INTS6: variants seen among roughly 807,000 people sequenced by gnomAD.
INTS6 encodes DEAD box protein.
Under a neutral mutation model 104.9 loss-of-function variants are expected in INTS6, and 16 were observed. The observed-to-expected ratio is 0.15, with a 90% CI of 0.10 to 0.23. The LOEUF is 0.23. Ranked by LOEUF, INTS6 falls within the 10% of genes least tolerant of loss-of-function variation. INTS6 has a pLI of 1.00. For missense variants in INTS6, 584 were observed against 1,062.8 expected (o/e 0.55, Z 6.26); for synonymous variants, 324 against 358.7 (o/e 0.90, Z 1.09).
In INTS6 at chr13:51,387,371, G is replaced by C; in HGVS notation, c.894+15C>G. 1 of 1,595,996 alleles carries C rather than the reference G, an allele frequency of 6.3e-7. No homozygotes were observed. The highest frequency in any genetic ancestry group is 1.1e-5 in the South Asian group (1 of 87,764). ...GAATGGTTACTATTACATAGTTACAGTCTCTGGTACTTACTAGTGTTGGCG... is the reference window on the plus strand; with the variant it reads ...GAATGGTTACTATTACATAGTTACACTCTCTGGTACTTACTAGTGTTGGCG... On this transcript the variant is annotated intron_variant, in intron 7 of 17. Transcript: ENST00000311234.
chr13:51,391,684 C>CA (rs1956248302), intron 5 of INTS6, among the ~76,000 whole-genome samples: 2 of 151,958 alleles, frequency 1.3e-5, no homozygotes, highest in South Asian at 2.1e-4. Flanking sequence ...GTAGAGTCCA[C>CA]AAAAAAGTCA....
Position 51,364,507 on chromosome 13 carries a change from C to T in INTS6, c.*1245G>A, listed in dbSNP as rs2137842594. On this transcript the variant is annotated 3_prime_UTR_variant, in exon 18 of 18. Coordinates refer to ENST00000311234, the MANE Select transcript of INTS6 (RefSeq NM_012141.3). ...GACCTTCTTTTCTACTGCTTACCCC[C>T]CAAACCACTAAAAGGCACAGCAGTG... 6.8e-6 allele frequency: 3 copies of T among 438,776 alleles called. No individual in the cohort carries two copies. Among genetic ancestry groups the T allele is most frequent in the South Asian group, 7.3e-5 (2 of 27,566 alleles). 27.2% of individuals were successfully genotyped at this position (438,776 alleles called of 1,614,324 possible). A position where few individuals can be genotyped will look rare whatever the true frequency, so the allele number is the denominator to read the frequency against.
downstream of INTS6, among the ~76,000 whole-genome samples, chr13:51,350,270 T>G (rs560548269): frequency 1.1e-4 from 16 of 152,278 alleles, no homozygotes; most frequent in Middle Eastern, 3.4e-3. Flanking sequence ...CAAAGTAACC[T>G]TTTATTTATA....
At chr13:51,430,497 T>C (rs1593755362) in intron 3 of INTS6, 114 bp from the exon 4 acceptor site, 4 of 687,144 alleles carry the variant, frequency 5.8e-6, no homozygotes, top group South Asian at 3.9e-5. Flanking sequence ...TCATTTTACA[T>C]GTAGTATGTA....
intron 3 of INTS6, chr13:51,441,197 T>C (rs1328290279): frequency 6.6e-6 from 1 of 152,190 alleles, no homozygotes; most frequent in Non-Finnish European, 1.5e-5. Context: ...CCAGTTCTAA[T>C]ACAGCAGTTC....
At chr13:51,352,471 GTTTTTT>G (rs796835423), downstream of INTS6, among the ~76,000 whole-genome samples, 1 of 150,222 alleles carries the variant, frequency 6.7e-6, no homozygotes, top group African/African-American at 2.4e-5. Flanking sequence ...GCTCTGATAG[GTTTTTT>G]TTTGTGTGTG....
At chr13:51,449,607 C>T in intron 3 of INTS6, 1 of 985,232 alleles carries the variant, frequency 1.0e-6, no homozygotes, top group Non-Finnish European at 1.2e-6. Context: ...ACATGACAAC[C>T]AAATAAAGGT....
intron 15 of INTS6, among the ~76,000 whole-genome samples, chr13:51,369,612 T>G (rs74084821): frequency 5.3e-5 from 8 of 152,216 alleles, no homozygotes; most frequent in African/African-American, 1.9e-4. Flanking sequence ...AAGTAGGTTC[T>G]TGATACTTCA....
At chr13:51,424,933 T>A (rs7335144) in intron 4 of INTS6, among the ~76,000 whole-genome samples, 17,906 of 152,070 alleles carry the variant, frequency 0.12, 1,322 homozygotes, top group South Asian at 0.21. Flanking sequence ...GCAACTATTT[T>A]AAATATATAT....
At position 51,452,140 on chromosome 13, in the gene INTS6, C is replaced by T. The variant is rs905402008; in HGVS notation, c.112-85G>A. ...GGCGGAGAAGGGGCGCCCAGCGGCC[C>T]CGCCGCCCCCACAGTACCGCACACG... On this transcript the variant is annotated intron_variant, in intron 1 of 17. Transcript: ENST00000311234. This position sits in a 1 kb window ranked among gnomAD's most constrained non-coding sequence, Gnocchi z 4.2. The T allele has an allele frequency of 5.4e-6, 7 of 1,288,444 alleles. No homozygotes were observed. The African/African-American group carries it at 1.0e-4, about 19-fold the overall frequency. 79.8% of individuals were successfully genotyped at this position (1,288,444 alleles called of 1,614,324 possible). A position where few individuals can be genotyped will look rare whatever the true frequency, so the allele number is the denominator to read the frequency against.
At chr13:51,385,092 C>T (rs945993324) in intron 7 of INTS6, 6 of 155,008 alleles carry the variant, frequency 3.9e-5, no homozygotes, top group African/African-American at 1.4e-4. Flanking sequence ...ACCACCACGC[C>T]ATACAGACTC....
At chr13:51,382,931 G>C (rs904984266) in intron 9 of INTS6, among the ~76,000 whole-genome samples, 2 of 152,138 alleles carry the variant, frequency 1.3e-5, no homozygotes, top group African/African-American at 4.8e-5. Context: ...AAAAAACTTA[G>C]CTAGGCATGA....
the INTS6 span, chr13:51,344,535 GAC>G: frequency 2.1e-6 from 3 of 1,422,634 alleles, no homozygotes; most frequent in South Asian, 2.5e-5. Context: ...GGGCTGCAGA[GAC>G]AGAGTCTCAC....
At chr13:51,450,368 AC>A (rs1234824213) in intron 3 of INTS6, 19 of 985,284 alleles carry the variant, frequency 1.9e-5, no homozygotes, top group Non-Finnish European at 2.3e-5. Context: ...CAATAAAAGG[AC>A]TTGTGGGGGT....
Position 51,381,921 on chromosome 13 carries a change from T to C in INTS6, c.1275+108A>G, listed in dbSNP as rs1956057181. 9.9e-6 allele frequency: 5 copies of C among 502,648 alleles called. No homozygotes were observed. In the East Asian group the frequency reaches 2.3e-4, roughly 23 times the overall value. 31.1% of individuals were successfully genotyped at this position (502,648 alleles called of 1,614,324 possible). ...TTTCACCATGTTGGCCAGGCTGGTC[T>C]TGATCTCCTGACCTCATGATCCACC... On this transcript the variant is annotated intron_variant, in intron 10 of 17. Transcript: ENST00000311234.
At chr13:51,422,337 G>T (rs1170265374) in intron 4 of INTS6, among the ~76,000 whole-genome samples, 1 of 152,074 alleles carries the variant, frequency 6.6e-6, no homozygotes, top group Non-Finnish European at 1.5e-5. Flanking sequence ...TAAAGCTATG[G>T]ATCTCTTTAC....
intron 3 of INTS6, among the ~76,000 whole-genome samples, chr13:51,431,941 T>C (rs1298913875): frequency 6.6e-6 from 1 of 152,082 alleles, no homozygotes; most frequent in Non-Finnish European, 1.5e-5. Context: ...TACATTATAT[T>C]GTCTCTCATA....
downstream of INTS6, among the ~76,000 whole-genome samples, chr13:51,358,555 G>A (rs543336604): frequency 2.6e-5 from 4 of 152,150 alleles, no homozygotes; most frequent in South Asian, 8.3e-4. Flanking sequence ...AGTTTAACAA[G>A]GTTAAAGAAC....
At chr13:51,393,287 A>G (rs1956277512) in intron 5 of INTS6, among the ~76,000 whole-genome samples, 1 of 152,180 alleles carries the variant, frequency 6.6e-6, no homozygotes, top group South Asian at 2.1e-4. Flanking sequence ...CATGTTGGCC[A>G]GGCTGGTCTC....
Sources: gnomAD v4.1 joint callset for allele counts (sites outside exome capture counted in the v4.1 genomes callset) on GRCh38, gnomAD v4.1.1 for gene constraint, Gnocchi (gnomAD v3.1) non-coding constraint, MANE v1.5 for transcripts, NCBI Gene and HGNC (gene_info 2026-07-23, HGNC 2026-07-21) for gene names.